The following KLHL25 variants were observed in gnomAD, a reference collection of about 807,000 sequenced individuals.
KLHL25 encodes the protein kelch like family member 25.
KLHL25 carries 41 observed loss-of-function variants against 30.0 expected under a neutral mutation model. The observed-to-expected ratio is 1.37, with a 90% CI of 1.07 to 1.78. KLHL25 has a LOEUF of 1.78. Ranked by LOEUF, KLHL25 falls within the 40% of genes most tolerant of loss-of-function variation. The probability of loss-of-function intolerance (pLI) is 0.00; values close to 1 mark genes in which losing one functional copy is unlikely to be tolerated. For synonymous variants in KLHL25, 399 were observed against 355.3 expected (o/e 1.12, Z -1.38); for missense variants, 971 against 824.5 (o/e 1.18, Z -2.18).
At chr15:85,793,450 G>A (rs1423072914) in intron 1 of KLHL25, among the ~76,000 whole-genome samples, 1 of 152,016 alleles carries the variant, frequency 6.6e-6, no homozygotes, top group African/African-American at 2.4e-5. Flanking sequence ...CCGGTCTTGG[G>A]ACACCAAATG....
rs773385222 is a variant in KLHL25, at chr15:85,769,543, G to C, written c.268C>G (p.Gln90Glu). 6.2e-7 allele frequency: 1 copy of C among 1,613,756 alleles called. No individual in the cohort carries two copies. Among genetic ancestry groups the C allele is most frequent in the Non-Finnish European group, 8.5e-7 (1 of 1,180,054 alleles). ...AGCACCTCCGGGTGCAGGTTGTCCT[G>C]GAAGTTGACAGTGTCATCCCGGCTC... is the stretch of plus-strand genomic sequence containing the variant. The part of the protein sequence containing the change: ...RESRDDTVNF[Q>E]DNLHPEVLEL... Residue 90 changes from glutamine to glutamate, a missense_variant, in exon 2 of 3, where the codon CAG becomes GAG. Physicochemically the swap from Gln to Glu is conservative, Grantham distance 29. Transcript: ENST00000337975.
chr15:85,788,166 A>G (rs1438043121), intron 1 of KLHL25, among the ~76,000 whole-genome samples: 2 of 152,168 alleles, frequency 1.3e-5, no homozygotes, highest in Non-Finnish European at 2.9e-5. Context: ...CTGCACCAGA[A>G]GACTGCAGAA....
intron 1 of KLHL25, among the ~76,000 whole-genome samples, chr15:85,788,056 C>CAAAAAAAAAA (rs60547525): frequency 1.4e-4 from 8 of 58,300 alleles, no homozygotes; most frequent in East Asian, 4.7e-4. Context: ...AACTAGATCT[C>CAAAAAAAAAA]AAAAAAAAAA....
At chr15:85,774,858 A>G (rs949570764) in intron 1 of KLHL25, among the ~76,000 whole-genome samples, 1 of 149,998 alleles carries the variant, frequency 6.7e-6, no homozygotes, top group African/African-American at 2.4e-5. Context: ...CCACTCCCGC[A>G]GTGCGATTCT....
chr15:85,794,599 A>G (rs2089840275), intron 1 of KLHL25, among the ~76,000 whole-genome samples, 167 bp downstream of exon 1: 1 of 151,936 alleles, frequency 6.6e-6, no homozygotes, highest in Non-Finnish European at 1.5e-5. Flanking sequence ...CCATTGTCCC[A>G]GGGCCCCGGC....
At chr15:85,779,758 T>C (rs900850986) in intron 1 of KLHL25, among the ~76,000 whole-genome samples, 5 of 152,232 alleles carry the variant, frequency 3.3e-5, no homozygotes, top group African/African-American at 7.2e-5. Context: ...CCCAGCCTTC[T>C]GGAGCCCTCA....
In KLHL25 at chr15:85,785,520, C is replaced by G. The variant is rs147104929; in HGVS notation, c.-11+9246G>C. 3.0e-4 allele frequency among the ~76,000 whole-genome samples: 46 copies of G among 152,080 alleles called. No individual in the cohort carries two copies. The East Asian group carries it at 7.5e-3, about 25-fold the overall frequency. On this transcript the variant is annotated intron_variant, in intron 1 of 2. Coordinates refer to ENST00000337975, the MANE Select transcript of KLHL25 (RefSeq NM_022480.4). ...ACATTGCTTACAGCTTTGGAGCTGC[C>G]CTGGCAGCCAGGTACAATTATCTGA...
At chr15:85,779,045 A>AT (rs35309594) in intron 1 of KLHL25, among the ~76,000 whole-genome samples, 16,644 of 141,878 alleles carry the variant, frequency 0.12, 1,135 homozygotes, top group East Asian at 0.27. Context: ...CTCACCAACA[A>AT]TTTTTTTTTT....
rs771048481 is a variant in KLHL25 at position 85,768,359 on chromosome 15, G to A, written c.1452C>T (p.Tyr484=). The A allele has an allele frequency of 1.2e-6, 2 of 1,613,618 alleles. No homozygotes were observed. The highest frequency in any genetic ancestry group is 2.7e-5 in the African/African-American group (2 of 74,926). The change falls in exon 2 of 3, where the codon TAC becomes TAT. Residue 484 remains tyrosine (Y), a synonymous_variant. Coordinates refer to ENST00000337975, the MANE Select transcript of KLHL25 (RefSeq NM_022480.4). The part of the protein sequence containing the change: ...IKAECPQPWR[Y]TAAAVLGSQI... ...GGCTGCCCAGGACGGCAGCGGCTGT[G>A]TACCGCCAAGGCTGGGGGCACTCGG...
In KLHL25 at chr15:85,768,357, G is replaced by C. The variant is rs1307168095; in HGVS notation, c.1454C>G (p.Thr485Arg). ...CTGGCTGCCCAGGACGGCAGCGGCT[G>C]TGTACCGCCAAGGCTGGGGGCACTC... is the stretch of plus-strand genomic sequence containing the variant. ...KAECPQPWRYTAAAVLGSQIF... is the reference protein window; with the variant it reads ...KAECPQPWRYRAAAVLGSQIF... Residue 485 changes from threonine (T) to arginine (R), a missense_variant, in exon 2 of 3, where the codon ACA becomes AGA. By Grantham distance (71) the Thr-to-Arg change is moderately conservative (BLOSUM62 -1). Coordinates refer to ENST00000337975, the MANE Select transcript of KLHL25 (RefSeq NM_022480.4). 1 of 1,613,802 alleles carries C rather than the reference G, an allele frequency of 6.2e-7. No homozygotes were observed. The highest frequency in any genetic ancestry group is 8.5e-7 in the Non-Finnish European group (1 of 1,180,046).
rs1180206144 is a variant in KLHL25 at position 85,768,804 on chromosome 15, G to A, written c.1007C>T (p.Ser336Leu). 6.2e-7 allele frequency: 1 copy of A among 1,613,340 alleles called. No homozygotes were observed. Among genetic ancestry groups the A allele is most frequent in the South Asian group, 1.1e-5 (1 of 91,090 alleles). ...CACATAGACCTTGCAGCCGATCGCTGAGGCGCTGAACTCCTTCCGGGGGCT... is the reference window on the plus strand; with the variant it reads ...CACATAGACCTTGCAGCCGATCGCTAAGGCGCTGAACTCCTTCCGGGGGCT... The part of the protein sequence containing the change: ...LPSPRKEFSA[S>L]AIGCKVYVTG... The change falls in exon 2 of 3, where the codon TCA (serine) becomes TTA (leucine). Residue 336 changes from serine to leucine, a missense_variant. By Grantham distance (145) the Ser-to-Leu change is moderately radical. Transcript: ENST00000337975.
chr15:85,770,050 C>T (rs980781542), intron 1 of KLHL25, among the ~76,000 whole-genome samples: 2 of 152,252 alleles, frequency 1.3e-5, no homozygotes, highest in Admixed American at 6.5e-5. Context: ...TATGAGCCAG[C>T]TCTGGGACAA....
rs2089575333 is a variant in KLHL25 at position 85,760,591 on chromosome 15, G to C, written c.*445C>G. 1 of 152,234 alleles carries C rather than the reference G, an allele frequency of 6.6e-6. No homozygotes were observed. The highest frequency in any genetic ancestry group is 6.5e-5 in the Admixed American group (1 of 15,286). The allele number at this position is 152,234 out of a possible 1,614,324, so 9.4% of individuals were successfully genotyped here. ...CCCAGGACACCATCTATAGATGGCAGTAGAGCCCCAGCAGGGCAGGCCAGG... is the reference window on the plus strand; with the variant it reads ...CCCAGGACACCATCTATAGATGGCACTAGAGCCCCAGCAGGGCAGGCCAGG... On this transcript the variant is annotated 3_prime_UTR_variant, in exon 3 of 3. Transcript: ENST00000337975.
rs1474780592 is a variant in KLHL25, at chr15:85,789,408, T to C, written c.-11+5358A>G. 5.9e-5 allele frequency among the ~76,000 whole-genome samples: 9 copies of C among 151,696 alleles called. No individual in the cohort carries two copies. ...ATCCCTTTTTTTTTTTTTGACAGAA[T>C]TTTACTCTGTTGCCCAGGCTGCAGT... is the stretch of plus-strand genomic sequence containing the variant. On this transcript the variant is annotated intron_variant, in intron 1 of 2. Transcript: ENST00000337975. The surrounding 1 kb of genome is among the most constrained non-coding windows in gnomAD (Gnocchi z 4.1).
chr15:85,778,658 A>AG (rs1281804522), intron 1 of KLHL25, among the ~76,000 whole-genome samples: 1 of 152,180 alleles, frequency 6.6e-6, no homozygotes, highest in African/African-American at 2.4e-5. Flanking sequence ...CACTGACCCA[A>AG]GACTGGGGAA....
intron 1 of KLHL25, among the ~76,000 whole-genome samples, chr15:85,772,411 G>C (rs893387357): frequency 6.6e-6 from 1 of 152,262 alleles, no homozygotes; most frequent in Non-Finnish European, 1.5e-5. Context: ...TGCCAGAGGG[G>C]AGGCTGGTTC....
At chr15:85,780,598 G>C (rs1020847847) in intron 1 of KLHL25, among the ~76,000 whole-genome samples, 1 of 152,204 alleles carries the variant, frequency 6.6e-6, no homozygotes, top group African/African-American at 2.4e-5. Flanking sequence ...AACAAAAAAA[G>C]AACAAATGCC....
intron 1 of KLHL25, among the ~76,000 whole-genome samples, chr15:85,780,428 G>A (rs939611160): frequency 6.6e-6 from 1 of 152,204 alleles, no homozygotes; most frequent in Non-Finnish European, 1.5e-5. Context: ...GACTGGCCTG[G>A]CCCTTTGCAA....
chr15:85,781,210 C>A (rs2089740641), intron 1 of KLHL25, among the ~76,000 whole-genome samples: 1 of 152,174 alleles, frequency 6.6e-6, no homozygotes, highest in African/African-American at 2.4e-5. Context: ...CAGCCCGTAT[C>A]AATGAACTTT....
Sources: allele counts gnomAD v4.1 joint callset (sites outside exome capture counted in the v4.1 genomes callset), GRCh38; gene constraint gnomAD v4.1.1; non-coding constraint Gnocchi (gnomAD v3.1); transcripts MANE v1.5; gene names NCBI Gene and HGNC (gene_info 2026-07-23, HGNC 2026-07-21).